The following PRIMPOL variants were observed in gnomAD, a reference collection of about 807,000 sequenced individuals.
PRIMPOL encodes the protein DNA-directed primase/polymerase protein.
A neutral mutation model predicts 63.6 loss-of-function variants in PRIMPOL; 54 were observed. The ratio of observed to expected loss-of-function variants is 0.85; its 90% CI spans 0.68 to 1.07. PRIMPOL has a LOEUF of 1.07. PRIMPOL is among the 50% of genes least tolerant of loss of function. PRIMPOL has a pLI of 0.00. For synonymous variants in PRIMPOL, 197 were observed against 220.2 expected, an observed-to-expected ratio of 0.89 and a Z score of 0.93; for missense variants, 610 against 648.3, an observed-to-expected ratio of 0.94 and a Z score of 0.64.
At chr4:184,683,952 A>G (rs1188717504) in intron 9 of PRIMPOL, among the ~76,000 whole-genome samples, 7 of 152,120 alleles carry the variant, frequency 4.6e-5, no homozygotes, top group Non-Finnish European at 8.8e-5. Context: ...CTCTAAAATT[A>G]TGTGTATGGT....
At chr4:184,689,169 G>A (rs1054501247) in intron 11 of PRIMPOL, among the ~76,000 whole-genome samples, 17 of 152,026 alleles carry the variant, frequency 1.1e-4, no homozygotes, top group African/African-American at 1.7e-4. Flanking sequence ...GGGCTTGAGC[G>A]ATCTTCCTGC....
intron 8 of PRIMPOL, among the ~76,000 whole-genome samples, chr4:184,680,987 G>A (rs565629928): frequency 9.2e-5 from 14 of 152,280 alleles, no homozygotes; most frequent in African/African-American, 3.4e-4. Context: ...TAGCTCATAT[G>A]GGAAAAGCAA....
chr4:184,654,551 C>T (rs1358602531), intron 2 of PRIMPOL, among the ~76,000 whole-genome samples: 3 of 150,702 alleles, frequency 2.0e-5, no homozygotes, highest in Non-Finnish European at 3.0e-5. Flanking sequence ...CCCGGGTTCA[C>T]GCCATTCTCC....
chr4:184,692,046 A>G (rs1054209384), intron 13 of PRIMPOL, among the ~76,000 whole-genome samples: 1 of 152,144 alleles, frequency 6.6e-6, no homozygotes, highest in African/African-American at 2.4e-5. Context: ...GAATTTCTAG[A>G]AGTAGAATTG....
Position 184,659,421 on chromosome 4 carries a change from T to C in PRIMPOL, c.262T>C (p.Phe88Leu). The change falls in exon 4 of 14, where the codon TTT becomes CTT. Residue 88 changes from phenylalanine to leucine, a missense_variant. By Grantham distance (22) the Phe-to-Leu change is conservative (BLOSUM62 0). Transcript: ENST00000314970. ...YLVTTYAEFWFYYKSRKNLLH... is the reference protein window; with the variant it reads ...YLVTTYAEFWLYYKSRKNLLH... ...TGTGACAACCTATGCTGAATTTTGG[T>C]TTTACTATAAATCCAGGTAGGTAGC... 3 of 1,611,930 alleles carry C rather than the reference T, an allele frequency of 1.9e-6. No homozygotes were observed. The highest frequency in any genetic ancestry group is 2.5e-6 in the Non-Finnish European group (3 of 1,178,000).
chr4:184,662,054 G>A (rs1188741277), intron 5 of PRIMPOL, 151 bp downstream of exon 5: 14 of 617,580 alleles, frequency 2.3e-5, no homozygotes. Context: ...AATATTACTT[G>A]TATGAGTAAA....
intron 1 of PRIMPOL, among the ~76,000 whole-genome samples, 187 bp downstream of exon 1, chr4:184,650,095 G>T (rs1026582362): frequency 1.3e-5 from 2 of 152,308 alleles, no homozygotes; most frequent in Non-Finnish European, 2.9e-5. Context: ...CAAAAGCCAC[G>T]AGCTGCGTGG....
chr4:184,664,653 C>T (rs1560972052), intron 5 of PRIMPOL, among the ~76,000 whole-genome samples: 2 of 152,152 alleles, frequency 1.3e-5, no homozygotes, highest in South Asian at 2.1e-4. Flanking sequence ...TTCCTTCTCA[C>T]GTCCCATTGG....
chr4:184,660,231 G>A (rs968373924), intron 4 of PRIMPOL, among the ~76,000 whole-genome samples: 2 of 150,352 alleles, frequency 1.3e-5, no homozygotes, highest in African/African-American at 4.9e-5. Context: ...TGTTGCCCAG[G>A]CTGGAGTACA....
At chr4:184,656,947 C>T (rs1343324819) in intron 2 of PRIMPOL, 135 bp from the exon 3 acceptor site, 5 of 451,854 alleles carry the variant, frequency 1.1e-5, no homozygotes, top group Non-Finnish European at 1.9e-5. Flanking sequence ...CAGCCTTGCT[C>T]TCATTCTGTG....
At position 184,694,882 on chromosome 4, in the gene PRIMPOL, T is replaced by A; in HGVS notation, c.*103T>A. ...ACCTGTTTATATAAACTAAGTTTTA[T>A]TACTTTGCTTTCCAATTTTTGTTTT... On this transcript the variant is annotated 3_prime_UTR_variant, in exon 14 of 14. Transcript: ENST00000314970. The A allele has an allele frequency of 2.0e-6, 2 of 1,022,342 alleles. No individual in the cohort carries two copies. Among genetic ancestry groups the A allele is most frequent in the South Asian group, 3.8e-5 (2 of 52,816 alleles). 63.3% of individuals were successfully genotyped at this position (1,022,342 alleles called of 1,614,324 possible). A position where few individuals can be genotyped will look rare whatever the true frequency, so the allele number is the denominator to read the frequency against.
chr4:184,665,918 A>G lies in PRIMPOL; in HGVS notation c.410A>G (p.Tyr137Cys), dbSNP rs1749757213. ...GKKMVALLIE[Y>C]VCKALQELYG... ...TTTGCATTTTACTTGTGTTTTTAGT[A>G]TGTGTGTAAAGCACTTCAAGAGTTA... is the stretch of plus-strand genomic sequence containing the variant. The change falls in exon 6 of 14, where the codon TAT (tyrosine) becomes TGT (cysteine). Residue 137 changes from tyrosine (Y) to cysteine (C), a missense_variant and splice_region_variant. By Grantham distance (194) the Tyr-to-Cys change is radical. Around this residue, in one of 3 missense-constraint regions of PRIMPOL, gnomAD observed 159 missense variants for 168.9 expected, o/e 0.94. Transcript: ENST00000314970. The G allele has an allele frequency of 1.3e-6, 2 of 1,538,660 alleles. No homozygotes were observed. The highest frequency in any genetic ancestry group is 4.4e-5 in the Admixed American group (2 of 45,532).
chr4:184,668,295 G>A (rs1201503253), intron 6 of PRIMPOL, among the ~76,000 whole-genome samples: 1 of 152,222 alleles, frequency 6.6e-6, no homozygotes, highest in Non-Finnish European at 1.5e-5. Flanking sequence ...GGTGTCACCA[G>A]TTACCCAAGT....
At chr4:184,664,385 A>G (rs930939733) in intron 5 of PRIMPOL, among the ~76,000 whole-genome samples, 39 of 152,232 alleles carry the variant, frequency 2.6e-4, no homozygotes, top group Non-Finnish European at 7.3e-5. Flanking sequence ...ATACGTTAGG[A>G]TAGATTTAGC....
At chr4:184,650,502 T>C (rs572144132) in intron 1 of PRIMPOL, among the ~76,000 whole-genome samples, 1 of 152,372 alleles carries the variant, frequency 6.6e-6, no homozygotes, top group African/African-American at 2.4e-5. Context: ...TTTTTTTATT[T>C]GTTTATTAAA....
intron 13 of PRIMPOL, among the ~76,000 whole-genome samples, chr4:184,692,958 A>C (rs1759255990): frequency 6.6e-6 from 1 of 152,188 alleles, no homozygotes; most frequent in Non-Finnish European, 1.5e-5. Flanking sequence ...TGCAGTAATT[A>C]AGTACTGTTT....
At chr4:184,682,404 AGTGGT>A in intron 9 of PRIMPOL, 68 bp downstream of exon 9, 1 of 851,098 alleles carries the variant, frequency 1.2e-6, no homozygotes, top group Non-Finnish European at 2.0e-6. Flanking sequence ...GCTGGAGTGC[AGTGGT>A]GCGATCTCGG....
intron 4 of PRIMPOL, among the ~76,000 whole-genome samples, chr4:184,660,488 A>G (rs1748021080): frequency 1.3e-5 from 2 of 152,146 alleles, no homozygotes; most frequent in South Asian, 4.1e-4. Flanking sequence ...GCCGTATTCA[A>G]GTATTTCTCA....
In PRIMPOL at chr4:184,682,326, C is replaced by T. The variant is rs142114255; in HGVS notation, c.1086C>T (p.Ile362=). 45 of 1,573,932 alleles carry T rather than the reference C, an allele frequency of 2.9e-5. No individual in the cohort carries two copies. The highest frequency in any genetic ancestry group is 3.4e-5 in the Non-Finnish European group (39 of 1,145,038). The part of the protein sequence containing the change: ...KQKGVGYFNS[I]GTSVETIEGF... Reference sequence around the variant, plus strand: ...AAGGAGTTGGATATTTTAACAGTATCGGCACTTCAGGTAAATTTTTTGATG... The same window carrying T: ...AAGGAGTTGGATATTTTAACAGTATTGGCACTTCAGGTAAATTTTTTGATG... The change falls in exon 9 of 14, where the codon ATC becomes ATT. Residue 362 remains isoleucine, a synonymous_variant. Transcript: ENST00000314970.
Sources: gnomAD v4.1 joint callset for allele counts (sites outside exome capture counted in the v4.1 genomes callset) on GRCh38, gnomAD v4.1.1 for gene constraint, gnomAD v4.1.1 regional missense constraint, MANE v1.5 for transcripts, NCBI Gene and HGNC (gene_info 2026-07-23, HGNC 2026-07-21) for gene names.